PLXDC2: variants seen among roughly 807,000 people sequenced by gnomAD.
PLXDC2 encodes the protein plexin domain containing 2.
Under a neutral mutation model 68.9 loss-of-function variants are expected in PLXDC2, and 40 were observed. The ratio of observed to expected loss-of-function variants is 0.58; its 90% CI spans 0.45 to 0.76. The LOEUF is 0.76. Ranked by LOEUF, PLXDC2 falls within the 30% of genes least tolerant of loss-of-function variation. The pLI is 0.00. For missense variants in PLXDC2, 644 were observed against 661.9 expected (o/e 0.97, Z 0.30); for synonymous variants, 243 against 234.2 (o/e 1.04, Z -0.34).
At chr10:20,108,714 ATAGTTTTCCAAATTACCATT>A (rs1833522251) in intron 4 of PLXDC2, among the ~76,000 whole-genome samples, 1 of 152,122 alleles carries the variant, frequency 6.6e-6, no homozygotes, top group Non-Finnish European at 1.5e-5. Context: ...ATGTCACTTG[ATAGTTTTCCAAATTACCATT>A]CATCCCCAAT....
chr10:20,180,562 T>C (rs1834589701), intron 9 of PLXDC2, among the ~76,000 whole-genome samples: 1 of 152,058 alleles, frequency 6.6e-6, no homozygotes, highest in African/African-American at 2.4e-5. Flanking sequence ...CCCTCTGATT[T>C]TTTTCTCCCA....
chr10:19,976,366 AC>A (rs1834456515), intron 1 of PLXDC2, among the ~76,000 whole-genome samples: 1 of 152,058 alleles, frequency 6.6e-6, no homozygotes, highest in Non-Finnish European at 1.5e-5. Flanking sequence ...GGTGCCTGCC[AC>A]CACACCCGGC....
Position 20,279,655 on chromosome 10 carries a change from G to A in PLXDC2, c.1474-48G>A, listed in dbSNP as rs746769203. The A allele has an allele frequency of 2.1e-5, 31 of 1,468,776 alleles. No homozygotes were observed. The South Asian group carries it at 3.6e-4, about 17-fold the overall frequency. The allele number at this position is 1,468,776 out of a possible 1,614,324, so 91.0% of individuals were successfully genotyped here. On this transcript the variant is annotated intron_variant, in intron 13 of 13. Coordinates refer to ENST00000377252, the MANE Select transcript of PLXDC2 (RefSeq NM_032812.9). ...TAGCAAATAGATTTTTCTGGTGCTA[G>A]AATCTTACCCTGACGCACATTTTTT...
chr10:19,875,136 G>C (rs543591125), intron 1 of PLXDC2, among the ~76,000 whole-genome samples: 131 of 152,334 alleles, frequency 8.6e-4, no homozygotes, highest in African/African-American at 2.3e-3. Flanking sequence ...TCCATAGTAT[G>C]TGGTTAGCCT....
chr10:20,143,520 A>C, intron 5 of PLXDC2, 103 bp downstream of exon 5: 1 of 1,427,724 alleles, frequency 7.0e-7, no homozygotes, highest in African/African-American at 1.4e-5. Flanking sequence ...TTGGTGTGTA[A>C]ACTGCTTGAT....
intron 1 of PLXDC2, among the ~76,000 whole-genome samples, chr10:19,882,585 G>A (rs111812578): frequency 1.5e-4 from 23 of 152,276 alleles, no homozygotes; most frequent in East Asian, 1.9e-4. Context: ...TGGATGTCAC[G>A]AAGCTATGTG....
intron 13 of PLXDC2, among the ~76,000 whole-genome samples, chr10:20,271,132 G>GACACACACACACACACACAC (rs55677642): frequency 1.0e-5 from 1 of 97,750 alleles, no homozygotes; most frequent in Non-Finnish European, 2.5e-5. Context: ...ACAAAAAACA[G>GACACACACACACACACACAC]ACACACACAC....
chr10:20,211,592 C>G, intron 9 of PLXDC2, 77 bp from the exon 10 acceptor site: 11 of 1,338,992 alleles, frequency 8.2e-6, no homozygotes, highest in Non-Finnish European at 1.1e-5. Flanking sequence ...ACCTACTAAT[C>G]TTTTACTTTT....
chr10:20,215,898 C>T (rs1237233271), intron 10 of PLXDC2, among the ~76,000 whole-genome samples: 1 of 151,910 alleles, frequency 6.6e-6, no homozygotes, highest in Non-Finnish European at 1.5e-5. Flanking sequence ...GTGGAGAGAG[C>T]TTGAAATTCA....
chr10:20,134,436 G>A (rs899286502), intron 4 of PLXDC2, among the ~76,000 whole-genome samples: 19 of 152,138 alleles, frequency 1.2e-4, no homozygotes, highest in Non-Finnish European at 1.5e-5. Context: ...TCTATGTTCA[G>A]GCTTACTTCT....
intron 2 of PLXDC2, among the ~76,000 whole-genome samples, chr10:20,025,359 G>A (rs1032063658): frequency 6.6e-6 from 1 of 151,734 alleles, no homozygotes; most frequent in African/African-American, 2.4e-5. Context: ...CACCTCCCAG[G>A]TTCAATGATT....
At chr10:20,237,677 T>C (rs1389834468) in intron 12 of PLXDC2, among the ~76,000 whole-genome samples, 7 of 152,234 alleles carry the variant, frequency 4.6e-5, no homozygotes, top group African/African-American at 1.7e-4. Flanking sequence ...AGTGGAACAC[T>C]AACATTTTCA....
At chr10:20,048,807 T>A (rs1173585018) in intron 3 of PLXDC2, among the ~76,000 whole-genome samples, 1 of 152,120 alleles carries the variant, frequency 6.6e-6, no homozygotes, top group East Asian at 1.9e-4. Context: ...GCCTGTTCTC[T>A]TTGCAATAGG....
At chr10:20,029,612 A>G (rs1835466037) in intron 2 of PLXDC2, among the ~76,000 whole-genome samples, 1 of 152,212 alleles carries the variant, frequency 6.6e-6, no homozygotes, top group Non-Finnish European at 1.5e-5. Context: ...AAAAAAGAAC[A>G]AATACTTCTT....
intron 1 of PLXDC2, among the ~76,000 whole-genome samples, chr10:19,936,166 A>G (rs1833719872): frequency 6.6e-6 from 1 of 152,196 alleles, no homozygotes; most frequent in African/African-American, 2.4e-5. Context: ...TCACTGGGTA[A>G]CCAGAACCCA....
chr10:20,276,636 A>G (rs1427865791), intron 13 of PLXDC2, among the ~76,000 whole-genome samples: 2 of 152,194 alleles, frequency 1.3e-5, no homozygotes, highest in Non-Finnish European at 2.9e-5. Context: ...TTCAATTTTC[A>G]GCATATATCC....
intron 13 of PLXDC2, among the ~76,000 whole-genome samples, chr10:20,247,680 G>T (rs1443302187): frequency 6.6e-6 from 1 of 152,134 alleles, no homozygotes; most frequent in East Asian, 1.9e-4. Context: ...TTGCATTAGA[G>T]TCCAGTATGC....
intron 9 of PLXDC2, among the ~76,000 whole-genome samples, chr10:20,208,377 C>T (rs983292158): frequency 6.6e-6 from 1 of 152,084 alleles, no homozygotes; most frequent in Admixed American, 6.6e-5. Context: ...GCCATCAGAT[C>T]TTGTGAGACT....
At chr10:20,012,336 G>GTTTT (rs1564656425) in intron 2 of PLXDC2, among the ~76,000 whole-genome samples, 1,058 of 33,162 alleles carry the variant, frequency 0.032, 380 homozygotes, top group African/African-American at 0.052. Flanking sequence ...TTTTTTTTTG[G>GTTTT]AGAAGGAGAC....
Sources: allele counts gnomAD v4.1 joint callset (sites outside exome capture counted in the v4.1 genomes callset), GRCh38; gene constraint gnomAD v4.1.1; transcripts MANE v1.5; gene names NCBI Gene and HGNC (gene_info 2026-07-23, HGNC 2026-07-21).